Variants in CCDC88A observed in about 807,000 individuals in gnomAD.
The protein encoded by CCDC88A is coiled-coil and HOOK domain protein 88A.
In CCDC88A, 54 loss-of-function variants were observed where a neutral mutation model predicts 234.3. The ratio of observed to expected loss-of-function variants is 0.23; its 90% CI spans 0.19 to 0.29. The LOEUF (loss-of-function observed/expected upper bound fraction) is 0.29, where lower values mean the gene tolerates loss of function less well. Among genes scored for constraint, CCDC88A ranks in the 10% least tolerant of loss-of-function variants. CCDC88A has a pLI of 1.00. For missense variants in CCDC88A, 1,832 were observed against 2,123.4 expected (o/e 0.86, Z 2.70); for synonymous variants, 753 against 737.8 (o/e 1.02, Z -0.33).
chr2:55,369,494 C>T (rs956825264), intron 5 of CCDC88A, among the ~76,000 whole-genome samples: 1 of 150,582 alleles, frequency 6.6e-6, no homozygotes, highest in African/African-American at 2.5e-5. Flanking sequence ...CTCTGTCGCC[C>T]AGGCTAGAGT....
chr2:55,407,059 T>C (rs1056175889), intron 2 of CCDC88A, among the ~76,000 whole-genome samples: 1 of 151,544 alleles, frequency 6.6e-6, no homozygotes, highest in African/African-American at 2.4e-5. Context: ...CAAAAAAAAA[T>C]TTTAATTAGC....
At chr2:55,363,504 C>A (rs1203321898) in intron 6 of CCDC88A, 1 of 152,134 alleles carries the variant, frequency 6.6e-6, no homozygotes, top group African/African-American at 2.4e-5. Flanking sequence ...TATATGAATG[C>A]TACAAATCAT....
chr2:55,366,832 A>AAAAT (rs1401376029), intron 5 of CCDC88A, among the ~76,000 whole-genome samples: 1 of 152,214 alleles, frequency 6.6e-6, no homozygotes, highest in African/African-American at 2.4e-5. Flanking sequence ...ATTGAACAAG[A>AAAAT]AAATAATAAG....
intron 2 of CCDC88A, chr2:55,403,653 T>C (rs1452941586): frequency 6.6e-6 from 1 of 152,252 alleles, no homozygotes; most frequent in African/African-American, 2.4e-5. Context: ...ACAGACAACC[T>C]TGAAGGAATC....
rs757587517 is a variant in CCDC88A, at chr2:55,301,221, C to G, written c.4729G>C (p.Gly1577Arg). ...ATTATCTTACCATGAACTCTTGATC[C>G]CGTACTAGAATCATCACTAACACCT... ...PQGVSDDSST[G>R]SRVHASRPAS... Residue 1577 changes from glycine (G) to arginine (R), a missense_variant, in exon 28 of 33, where the codon GGA becomes CGA. Coordinates refer to ENST00000436346, the MANE Select transcript of CCDC88A (RefSeq NM_001365480.1). 5 of 1,591,986 alleles carry G rather than the reference C, an allele frequency of 3.1e-6. No individual in the cohort carries two copies. The highest frequency in any genetic ancestry group is 4.3e-6 in the Non-Finnish European group (5 of 1,163,918).
chr2:55,299,249 T>A (rs1048447976), intron 29 of CCDC88A, among the ~76,000 whole-genome samples: 1 of 152,172 alleles, frequency 6.6e-6, no homozygotes, highest in Non-Finnish European at 1.5e-5. Flanking sequence ...AGGCAGTATA[T>A]CTTTAAGAAA....
intron 2 of CCDC88A, among the ~76,000 whole-genome samples, chr2:55,401,863 C>T (rs1388410078): frequency 1.3e-5 from 2 of 152,006 alleles, no homozygotes; most frequent in African/African-American, 4.8e-5. Context: ...GCATGATATT[C>T]ACTGATTTAA....
chr2:55,414,800 T>C (rs1433785220), intron 2 of CCDC88A, among the ~76,000 whole-genome samples: 1 of 152,032 alleles, frequency 6.6e-6, no homozygotes, highest in East Asian at 1.9e-4. Flanking sequence ...GTGTGGTGGC[T>C]AATGCCTGTA....
At position 55,355,659 on chromosome 2, in the gene CCDC88A, C is replaced by T. The variant is rs753713244; in HGVS notation, c.720G>A (p.Met240Ile). Residue 240 changes from methionine to isoleucine, a missense_variant, in exon 8 of 33, where the codon ATG becomes ATA. Met to Ile is a conservative substitution (Grantham distance 10, BLOSUM62 1). This residue lies in a region of CCDC88A where 1,282 missense variants were observed against 1,543.6 expected (regional missense o/e 0.83). Coordinates refer to ENST00000436346, the MANE Select transcript of CCDC88A (RefSeq NM_001365480.1). ...GATGTTGTCGACTTTCTGTTCGCTTCATGCCTGGAGAACCACAGGGTGACT... is the reference window on the plus strand; with the variant it reads ...GATGTTGTCGACTTTCTGTTCGCTTTATGCCTGGAGAACCACAGGGTGACT... ...SAQSPCGSPG[M>I]KRTESRQHLS... 6.2e-7 allele frequency: 1 copy of T among 1,614,084 alleles called. No homozygotes were observed. Among genetic ancestry groups the T allele is most frequent in the South Asian group, 1.1e-5 (1 of 91,080 alleles).
chr2:55,373,699 T>C (rs1673183207), intron 4 of CCDC88A, among the ~76,000 whole-genome samples: 1 of 152,078 alleles, frequency 6.6e-6, no homozygotes, highest in East Asian at 1.9e-4. Context: ...CTACACGCAA[T>C]TTTTTTCATT....
chr2:55,343,592 C>T, intron 12 of CCDC88A, 56 bp downstream of exon 12: 1 of 1,389,544 alleles, frequency 7.2e-7, no homozygotes, highest in South Asian at 1.3e-5. Context: ...TGCAAGTAAA[C>T]ATAAATACAA....
In CCDC88A at chr2:55,317,786, T is replaced by C; in HGVS notation, c.3380A>G (p.Gln1127Arg). 1 of 1,611,558 alleles carries C rather than the reference T, an allele frequency of 6.2e-7. No homozygotes were observed. Among genetic ancestry groups the C allele is most frequent in the Non-Finnish European group, 8.5e-7 (1 of 1,178,150 alleles). Residue 1127 changes from glutamine to arginine, a missense_variant, in exon 20 of 33, where the codon CAA (glutamine) becomes CGA (arginine). Physicochemically the swap from Gln to Arg is conservative, Grantham distance 43. Around this residue, in one of 6 missense-constraint regions of CCDC88A, gnomAD observed 1,282 missense variants for 1,543.6 expected, o/e 0.83. Coordinates refer to ENST00000436346, the MANE Select transcript of CCDC88A (RefSeq NM_001365480.1). The surrounding 1 kb of genome is among the most constrained non-coding windows in gnomAD (Gnocchi z 4.2). ...QSTSLMNQNA[Q>R]LLIQQSSLEN... is the part of the protein sequence containing the mutation. ...TAAGGAAGACTGCTGGATTAGGAGTTGGGCATTCTGGTTCATGAGTGAGGT... is the reference window on the plus strand; with the variant it reads ...TAAGGAAGACTGCTGGATTAGGAGTCGGGCATTCTGGTTCATGAGTGAGGT...
chr2:55,354,604 C>T (rs1401819980), intron 8 of CCDC88A, among the ~76,000 whole-genome samples: 1 of 150,486 alleles, frequency 6.6e-6, no homozygotes, highest in Non-Finnish European at 1.5e-5. Context: ...CGCTCTGTCA[C>T]CCAGGCTGGA....
At chr2:55,390,335 C>T (rs532972785) in intron 2 of CCDC88A, among the ~76,000 whole-genome samples, 1 of 152,120 alleles carries the variant, frequency 6.6e-6, no homozygotes, top group Non-Finnish European at 1.5e-5. Context: ...TATGGATCCC[C>T]AAAAGGATCC....
chr2:55,376,893 G>T lies in CCDC88A; in HGVS notation c.274-2010C>A, dbSNP rs1041480335. On this transcript the variant is annotated intron_variant, in intron 3 of 32. Transcript: ENST00000436346. ...GTCACCCAGGCTGGAGTGCAGTGGC[G>T]CGATCTTGGCTTACTGCAACCTCCG... is the stretch of plus-strand genomic sequence containing the variant. Among the ~76,000 whole-genome samples the T allele has an allele frequency of 3.9e-5, 6 of 152,144 alleles. No individual in the cohort carries two copies. In the South Asian group the frequency reaches 6.2e-4, roughly 16 times the overall value.
chr2:55,296,113 C>T, intron 30 of CCDC88A, 57 bp from the exon 31 acceptor site: 2 of 1,399,176 alleles, frequency 1.4e-6, no homozygotes, highest in Non-Finnish European at 1.9e-6. Flanking sequence ...TTTTTACTTT[C>T]CTGATTTAGC....
At position 55,317,498 on chromosome 2, in the gene CCDC88A, A is replaced by C; in HGVS notation, c.3602+66T>G. ...AACATTAGATGTGTTTAATATATAA[A>C]ATTTATTATACTACTTGAAGAAAAT... On this transcript the variant is annotated intron_variant, in intron 20 of 32. Coordinates refer to ENST00000436346, the MANE Select transcript of CCDC88A (RefSeq NM_001365480.1). This position sits in a 1 kb window ranked among gnomAD's most constrained non-coding sequence, Gnocchi z 4.2. 1 of 1,257,328 alleles carries C rather than the reference A, an allele frequency of 8.0e-7. No homozygotes were observed. Among genetic ancestry groups the C allele is most frequent in the Non-Finnish European group, 1.1e-6 (1 of 931,320 alleles). The allele number at this position is 1,257,328 out of a possible 1,614,324, so 77.9% of individuals were successfully genotyped here. A position where few individuals can be genotyped will look rare whatever the true frequency, so the allele number is the denominator to read the frequency against.
intron 2 of CCDC88A, among the ~76,000 whole-genome samples, chr2:55,416,303 C>T (rs551857561): frequency 1.3e-5 from 2 of 150,068 alleles, no homozygotes; most frequent in South Asian, 4.2e-4. Flanking sequence ...GACATCACAA[C>T]AGACTATCCA....
chr2:55,307,151 T>C (rs760962363), intron 25 of CCDC88A, among the ~76,000 whole-genome samples: 4 of 152,188 alleles, frequency 2.6e-5, no homozygotes, highest in South Asian at 2.1e-4. Flanking sequence ...ACTTTGATAG[T>C]AGTCAACTTC....
Sources: allele counts gnomAD v4.1 joint callset (sites outside exome capture counted in the v4.1 genomes callset), GRCh38; gene constraint gnomAD v4.1.1; regional missense constraint gnomAD v4.1.1; non-coding constraint Gnocchi (gnomAD v3.1); transcripts MANE v1.5; gene names NCBI Gene and HGNC (gene_info 2026-07-23, HGNC 2026-07-21).